ABCB8: variants seen among roughly 807,000 people sequenced by gnomAD.
The protein encoded by ABCB8 is ATP binding cassette subfamily B member 8.
In ABCB8, 52 loss-of-function variants were observed where a neutral mutation model predicts 73.0. That is an observed-to-expected ratio of 0.71 (90% CI 0.57 to 0.90). The LOEUF (loss-of-function observed/expected upper bound fraction) is 0.90, where lower values mean the gene tolerates loss of function less well. ABCB8 is among the 40% of genes least tolerant of loss of function. ABCB8 has a pLI of 0.00. For synonymous variants in ABCB8, 428 were observed against 423.5 expected, an observed-to-expected ratio of 1.01 and a Z score of -0.13; for missense variants, 909 against 974.6, an observed-to-expected ratio of 0.93 and a Z score of 0.90.
chr7:151,037,390 C>T (rs1307645618), intron 9 of ABCB8: 2 of 699,532 alleles, frequency 2.9e-6, no homozygotes, highest in African/African-American at 3.5e-5. Flanking sequence ...TGTCCCCACA[C>T]ACCCCACCCT....
chr7:151,031,592 A>C, intron 1 of ABCB8: 1 of 262,694 alleles, frequency 3.8e-6, no homozygotes. Context: ...GCTCCCTACA[A>C]CCAGTCCTGT....
At chr7:151,029,484 TTTTC>T (rs1404634080) in intron 1 of ABCB8, 2 of 101,292 alleles carry the variant, frequency 2.0e-5, no homozygotes, top group East Asian at 2.6e-4. Flanking sequence ...TTTTTTTTTC[TTTTC>T]TTTTCTTTTC....
Position 151,045,217 on chromosome 7 carries a change from A to G in ABCB8, c.2025A>G (p.Thr675=), listed in dbSNP as rs1446931742. The change falls in exon 16 of 16, where the codon ACA becomes ACG. Residue 675 remains threonine, a synonymous_variant. Coordinates refer to ENST00000358849, the MANE Select transcript of ABCB8 (RefSeq NM_007188.5). The part of the protein sequence containing the change: ...MADGRVWEAG[T]HEELLKKGGL... Reference sequence around the variant, plus strand: ...TCCCTCCCATCTTCCAGGCTGGGACACATGAAGAGCTCCTGAAGAAAGGCG... The same window carrying G: ...TCCCTCCCATCTTCCAGGCTGGGACGCATGAAGAGCTCCTGAAGAAAGGCG... 3 of 1,583,140 alleles carry G rather than the reference A, an allele frequency of 1.9e-6. No individual in the cohort carries two copies. The highest frequency in any genetic ancestry group is 2.6e-6 in the Non-Finnish European group (3 of 1,162,580).
intron 14 of ABCB8, among the ~76,000 whole-genome samples, 157 bp downstream of exon 14, chr7:151,042,265 A>G (rs1796488410): frequency 6.6e-6 from 1 of 152,210 alleles, no homozygotes; most frequent in Non-Finnish European, 1.5e-5. Flanking sequence ...CAAAGGGGAC[A>G]GAGTCGTTGT....
At position 151,037,211 on chromosome 7, in the gene ABCB8, G is replaced by T. The variant is rs889455454; in HGVS notation, c.1217+562G>T. On this transcript the variant is annotated intron_variant, in intron 9 of 15. Coordinates refer to ENST00000358849, the MANE Select transcript of ABCB8 (RefSeq NM_007188.5). ...AGTCAGACTATGTCCTTTTGTGACT[G>T]CGTTTTGTCACTCCACATTGTGTCC... is the stretch of plus-strand genomic sequence containing the variant. The T allele has an allele frequency of 1.7e-5, 12 of 702,930 alleles. No homozygotes were observed. The African/African-American group carries it at 2.1e-4, about 12-fold the overall frequency. 43.5% of individuals were successfully genotyped at this position (702,930 alleles called of 1,614,324 possible).
chr7:151,037,890 C>T (rs897935870), intron 9 of ABCB8: 2 of 163,992 alleles, frequency 1.2e-5, no homozygotes, highest in African/African-American at 2.4e-5. Flanking sequence ...CCCTCGCGTG[C>T]CCCGTTTCTG....
At position 151,047,765 on chromosome 7, in the gene ABCB8, T is replaced by C. The variant is rs1796653924; in HGVS notation, c.*2416T>C. ...TCAGTGGGGGAGTCATTAAATAAAC[T>C]ATGGTATGTGCACATAATGGGTGGT... On this transcript the variant is annotated 3_prime_UTR_variant, in exon 16 of 16. Coordinates refer to ENST00000358849, the MANE Select transcript of ABCB8 (RefSeq NM_007188.5). The C allele has an allele frequency of 6.6e-6, 1 of 152,232 alleles. No homozygotes were observed. Among genetic ancestry groups the C allele is most frequent in the Admixed American group, 6.5e-5 (1 of 15,282 alleles). The allele number at this position is 152,232 out of a possible 1,614,324, so 9.4% of individuals were successfully genotyped here.
intron 8 of ABCB8, 134 bp downstream of exon 8, chr7:151,036,304 A>G (rs1256473988): frequency 2.0e-6 from 2 of 978,880 alleles, no homozygotes; most frequent in Non-Finnish European, 3.0e-6. Context: ...TAACTCTTGC[A>G]GGTAAAGGGA....
At chr7:151,036,790 A>T (rs571183593) in intron 9 of ABCB8, 141 bp downstream of exon 9, 1 of 809,100 alleles carries the variant, frequency 1.2e-6, no homozygotes, top group African/African-American at 1.7e-5. Context: ...CCAGGGATGC[A>T]TAGGGTGGGG....
At chr7:151,033,993 G>A (rs1796235631) in intron 2 of ABCB8, 76 bp downstream of exon 2, 12 of 1,471,434 alleles carry the variant, frequency 8.2e-6, no homozygotes, top group Middle Eastern at 1.9e-4. Flanking sequence ...TTCCTGCCTC[G>A]CTGCCTCTCA....
In ABCB8 at chr7:151,040,560, C is replaced by G; in HGVS notation, c.1314C>G (p.Ile438Met). Reference protein sequence around the residue: ...VFEYMALNPCIPLSGGCCVPK... With the variant: ...VFEYMALNPCMPLSGGCCVPK... The stretch of plus-strand genomic sequence containing the variant: ...AGTACATGGCCCTGAACCCCTGCAT[C>G]CCACTGTCTGGGGGCTGCTGCGTCC... The change falls in exon 11 of 16, where the codon ATC becomes ATG. Residue 438 changes from isoleucine to methionine, a missense_variant. Coordinates refer to ENST00000358849, the MANE Select transcript of ABCB8 (RefSeq NM_007188.5). The G allele has an allele frequency of 6.2e-7, 1 of 1,613,482 alleles. No individual in the cohort carries two copies. Among genetic ancestry groups the G allele is most frequent in the Non-Finnish European group, 8.5e-7 (1 of 1,179,952 alleles).
chr7:151,034,942 C>A, intron 5 of ABCB8, 113 bp downstream of exon 5: 1 of 894,520 alleles, frequency 1.1e-6, no homozygotes, highest in Non-Finnish European at 1.7e-6. Flanking sequence ...CGCATGCTGA[C>A]TCGAGAAACC....
rs1325915300 is a variant in ABCB8 at position 151,043,969 on chromosome 7, A to G, written c.1766-2A>G. ...GCTCCTGCCCTGCCCCTCCCTTCCC[A>G]GGTGAACGGGGCACTACCCTGTCTG... On this transcript the variant is annotated splice_acceptor_variant, in intron 14 of 15. Transcript: ENST00000358849. LOFTEE classifies it high-confidence loss of function. The G allele has an allele frequency of 5.0e-6, 8 of 1,608,114 alleles. No homozygotes were observed. In the South Asian group the frequency reaches 8.8e-5, roughly 18 times the overall value.
chr7:151,042,492 C>T (rs1252142697), intron 14 of ABCB8, among the ~76,000 whole-genome samples: 1 of 152,238 alleles, frequency 6.6e-6, no homozygotes, highest in African/African-American at 2.4e-5. Flanking sequence ...GGGGCTGCCT[C>T]CTCTCCACCA....
intron 13 of ABCB8, 117 bp from the exon 14 acceptor site, chr7:151,041,844 A>C: frequency 2.3e-6 from 3 of 1,286,758 alleles, no homozygotes; most frequent in Non-Finnish European, 3.2e-6. Flanking sequence ...TGATTCTTCA[A>C]GAGATCCTAA....
Position 151,035,981 on chromosome 7 carries a change from G to T in ABCB8, c.1013+14G>T. ...ACGGGAAGAGGAGTGAGTCCTGGGAGGGCGGAGCACAAAGCAGAGATGCCC... is the reference window on the plus strand; with the variant it reads ...ACGGGAAGAGGAGTGAGTCCTGGGATGGCGGAGCACAAAGCAGAGATGCCC... On this transcript the variant is annotated intron_variant, in intron 7 of 15. Coordinates refer to ENST00000358849, the MANE Select transcript of ABCB8 (RefSeq NM_007188.5). The T allele has an allele frequency of 6.2e-7, 1 of 1,613,714 alleles. No homozygotes were observed.
chr7:151,029,270 C>G (rs1051533168), intron 1 of ABCB8: 1 of 157,966 alleles, frequency 6.3e-6, no homozygotes, highest in African/African-American at 2.4e-5. Flanking sequence ...CCACTGCACT[C>G]CAGCCCGGGT....
chr7:151,031,296 G>A, intron 1 of ABCB8: 1 of 1,549,490 alleles, frequency 6.5e-7, no homozygotes, highest in South Asian at 1.2e-5. Context: ...AGGAGAGTAA[G>A]CGTCTCTATC....
intron 13 of ABCB8, 64 bp from the exon 14 acceptor site, chr7:151,041,897 C>T (rs2117236385): frequency 2.5e-6 from 4 of 1,581,182 alleles, no homozygotes; most frequent in Non-Finnish European, 3.4e-6. Flanking sequence ...ATGGTGGCCC[C>T]TCCAGTTTCT....
Sources: allele counts gnomAD v4.1 joint callset (sites outside exome capture counted in the v4.1 genomes callset), GRCh38; gene constraint gnomAD v4.1.1; transcripts MANE v1.5; gene names NCBI Gene and HGNC (gene_info 2026-07-23, HGNC 2026-07-21).